The following NRXN3 variants were observed in gnomAD, a reference collection of about 807,000 sequenced individuals.
NRXN3 encodes neurexin III.
Under a neutral mutation model 137.6 loss-of-function variants are expected in NRXN3, and 32 were observed. The ratio of observed to expected loss-of-function variants is 0.23; its 90% CI spans 0.18 to 0.31. The LOEUF (loss-of-function observed/expected upper bound fraction) is 0.31, where lower values mean the gene tolerates loss of function less well. NRXN3 is among the 10% of genes least tolerant of loss of function. The pLI, the probability that NRXN3 is intolerant of heterozygous loss-of-function variation, is 1.00. For synonymous variants in NRXN3, 798 were observed against 784.5 expected, an observed-to-expected ratio of 1.02 and a Z score of -0.29; for missense variants, 1,574 against 2,062.5, an observed-to-expected ratio of 0.76 and a Z score of 4.59.
intron 1 of NRXN3, among the ~76,000 whole-genome samples, chr14:78,219,688 C>G (rs761873793): frequency 6.6e-6 from 1 of 152,168 alleles, no homozygotes; most frequent in Non-Finnish European, 1.5e-5. Context: ...TTATTTGTTC[C>G]TAGAATCTGA....
At chr14:79,491,546 C>T (rs1567274449) in intron 16 of NRXN3, among the ~76,000 whole-genome samples, 1 of 151,934 alleles carries the variant, frequency 6.6e-6, no homozygotes, top group Non-Finnish European at 1.5e-5. Context: ...AGACCCTCAA[C>T]ATTTTTCCAA....
intron 19 of NRXN3, among the ~76,000 whole-genome samples, chr14:79,759,704 C>T (rs985042353): frequency 6.6e-6 from 1 of 151,486 alleles, no homozygotes; most frequent in Admixed American, 6.6e-5. Context: ...AGTTTTTACC[C>T]AAGCTTGGTA....
intron 4 of NRXN3, among the ~76,000 whole-genome samples, chr14:78,369,888 A>C (rs1352042207): frequency 6.7e-6 from 1 of 149,672 alleles, no homozygotes; most frequent in East Asian, 2.0e-4. Context: ...GGCAAATTTT[A>C]AGATCAGCTG....
chr14:78,816,023 C>T (rs757977371), intron 10 of NRXN3, among the ~76,000 whole-genome samples: 4 of 152,134 alleles, frequency 2.6e-5, no homozygotes, highest in South Asian at 2.1e-4. Context: ...ATCTTCATAA[C>T]GCATATTTTT....
intron 4 of NRXN3, among the ~76,000 whole-genome samples, chr14:78,615,191 G>A: frequency 6.6e-6 from 1 of 152,032 alleles, no homozygotes; most frequent in East Asian, 1.9e-4. Context: ...ATCTCATTAG[G>A]TCCTCACTAT....
chr14:78,995,814 A>G (rs931620007), intron 15 of NRXN3, among the ~76,000 whole-genome samples: 1 of 152,218 alleles, frequency 6.6e-6, no homozygotes, highest in Non-Finnish European at 1.5e-5. Context: ...TATTTGAAGA[A>G]CTGGATATTT....
intron 15 of NRXN3, among the ~76,000 whole-genome samples, chr14:79,207,707 T>A (rs2127454): frequency 0.98 from 148,987 of 152,218 alleles, 72,974 homozygotes; most frequent in East Asian, 1. Flanking sequence ...GATCCTGCTT[T>A]GAATGAACCA....
At chr14:79,735,427 T>G (rs2154075590) in intron 19 of NRXN3, among the ~76,000 whole-genome samples, 1 of 152,270 alleles carries the variant, frequency 6.6e-6, no homozygotes, top group Non-Finnish European at 1.5e-5. Flanking sequence ...CTTGAAAAAT[T>G]AGACTTAAAG....
intron 4 of NRXN3, among the ~76,000 whole-genome samples, chr14:78,403,092 G>A (rs1411053451): frequency 1.3e-5 from 2 of 152,160 alleles, no homozygotes; most frequent in African/African-American, 2.4e-5. Flanking sequence ...AGCTAACCGT[G>A]GGATTGGGTG....
At chr14:78,912,814 G>A (rs909429381) in intron 10 of NRXN3, among the ~76,000 whole-genome samples, 1 of 152,118 alleles carries the variant, frequency 6.6e-6, no homozygotes, top group African/African-American at 2.4e-5. Flanking sequence ...ATACATGGAG[G>A]ATTATAGCCT....
At chr14:78,964,101 A>G (rs945949613) in intron 11 of NRXN3, among the ~76,000 whole-genome samples, 1 of 152,120 alleles carries the variant, frequency 6.6e-6, no homozygotes, top group Non-Finnish European at 1.5e-5. Context: ...TTTTTTCCCA[A>G]AGAGATAAAA....
intron 15 of NRXN3, among the ~76,000 whole-genome samples, chr14:79,373,594 A>G (rs2094175145): frequency 6.6e-6 from 1 of 152,208 alleles, no homozygotes. Flanking sequence ...AATTCTTTCA[A>G]TAATATACGG....
At chr14:79,303,827 C>G (rs577473799) in intron 15 of NRXN3, among the ~76,000 whole-genome samples, 3 of 152,150 alleles carry the variant, frequency 2.0e-5, no homozygotes, top group Admixed American at 2.0e-4. Flanking sequence ...GCTTCCCAAT[C>G]TCTGCCTTAG....
chr14:78,391,197 A>G (rs1160934110), intron 4 of NRXN3, among the ~76,000 whole-genome samples: 1 of 152,152 alleles, frequency 6.6e-6, no homozygotes, highest in Non-Finnish European at 1.5e-5. Flanking sequence ...CTGCATTTAC[A>G]CAGGAGTACA....
intron 15 of NRXN3, among the ~76,000 whole-genome samples, chr14:79,361,673 C>T (rs540690979): frequency 1.3e-5 from 2 of 152,190 alleles, no homozygotes; most frequent in Admixed American, 6.5e-5. Flanking sequence ...GCTGAAATCA[C>T]GCCACGGCAC....
intron 4 of NRXN3, among the ~76,000 whole-genome samples, chr14:78,547,780 AGAGTT>A (rs1474734178): frequency 1.4e-5 from 2 of 144,654 alleles, no homozygotes; most frequent in African/African-American, 5.0e-5. Context: ...GATTGTTACT[AGAGTT>A]GAGAAAAGGT....
chr14:79,861,831 A>G lies in NRXN3; in HGVS notation c.4583A>G (p.Tyr1528Cys). The G allele has an allele frequency of 1.2e-6, 2 of 1,614,122 alleles. No homozygotes were observed. Among genetic ancestry groups the G allele is most frequent in the Non-Finnish European group, 1.7e-6 (2 of 1,180,016 alleles). ...YKYRNRDEGS[Y>C]QVDETRNYIS... ...TACAGGAACAGGGACGAGGGGTCCTATCAAGTGGACGAGACGCGGAACTAC... is the reference window on the plus strand; with the variant it reads ...TACAGGAACAGGGACGAGGGGTCCTGTCAAGTGGACGAGACGCGGAACTAC... The change falls in exon 21 of 21, where the codon TAT becomes TGT. Residue 1528 changes from tyrosine to cysteine, a missense_variant. By Grantham distance (194) the Tyr-to-Cys change is radical (BLOSUM62 -2). Around this residue, in one of 5 missense-constraint regions of NRXN3, gnomAD observed 320 missense variants for 387.1 expected, o/e 0.83. Coordinates refer to ENST00000335750, the MANE Select transcript of NRXN3 (RefSeq NM_001330195.2). This position sits in a 1 kb window ranked among gnomAD's most constrained non-coding sequence, Gnocchi z 5.4.
intron 3 of NRXN3, among the ~76,000 whole-genome samples, chr14:78,295,712 A>C (rs556227566): frequency 6.6e-6 from 1 of 152,288 alleles, no homozygotes; most frequent in East Asian, 1.9e-4. Context: ...CGTGAAGCCC[A>C]GGATCTTCGT....
intron 16 of NRXN3, among the ~76,000 whole-genome samples, chr14:79,552,605 C>A (rs1262734656): frequency 6.6e-6 from 1 of 152,062 alleles, no homozygotes; most frequent in Non-Finnish European, 1.5e-5. Flanking sequence ...AGGTTAAATA[C>A]CCTTTTCATA....
Sources: allele counts gnomAD v4.1 joint callset (sites outside exome capture counted in the v4.1 genomes callset), GRCh38; gene constraint gnomAD v4.1.1; regional missense constraint gnomAD v4.1.1; non-coding constraint Gnocchi (gnomAD v3.1); transcripts MANE v1.5; gene names NCBI Gene and HGNC (gene_info 2026-07-23, HGNC 2026-07-21).